The following TTLL7 variants were observed in gnomAD, a reference collection of about 807,000 sequenced individuals.
TTLL7 encodes the protein tubulin polyglutamylase TTLL7.
Under a neutral mutation model 120.2 loss-of-function variants are expected in TTLL7, and 53 were observed. The observed-to-expected ratio is 0.44, with a 90% CI of 0.35 to 0.55. The LOEUF (loss-of-function observed/expected upper bound fraction) is 0.55, where lower values mean the gene tolerates loss of function less well. Ranked by LOEUF, TTLL7 falls within the 20% of genes least tolerant of loss-of-function variation. The pLI is 0.00. For missense variants in TTLL7, 803 were observed against 1,054.7 expected, an observed-to-expected ratio of 0.76 and a Z score of 3.31; for synonymous variants, 353 against 351.7, an observed-to-expected ratio of 1.00 and a Z score of -0.04.
At chr1:83,896,881 A>G (rs138865389) in intron 18 of TTLL7, among the ~76,000 whole-genome samples, 4 of 152,204 alleles carry the variant, frequency 2.6e-5, no homozygotes, top group Admixed American at 6.6e-5. Flanking sequence ...CAACATGACT[A>G]TATTTTCATA....
intron 20 of TTLL7, among the ~76,000 whole-genome samples, chr1:83,876,644 C>T (rs7540150): frequency 0.025 from 3,860 of 151,752 alleles, 83 homozygotes; most frequent in African/African-American, 0.057. Context: ...ACATTTCTTG[C>T]GACATTTATT....
At chr1:83,938,260 A>C (rs546921526) in intron 7 of TTLL7, among the ~76,000 whole-genome samples, 1 of 152,316 alleles carries the variant, frequency 6.6e-6, no homozygotes, top group Non-Finnish European at 1.5e-5. Flanking sequence ...ATCTACCATT[A>C]AAAAGTATCA....
At chr1:83,997,806 A>T (rs144411053) in intron 1 of TTLL7, among the ~76,000 whole-genome samples, 3 of 152,290 alleles carry the variant, frequency 2.0e-5, no homozygotes, top group Non-Finnish European at 2.9e-5. Flanking sequence ...TACGTTTTTA[A>T]TCGACTTCTC....
chr1:83,906,506 T>C (rs1348518935), intron 16 of TTLL7, 43 bp from the exon 17 acceptor site: 1 of 1,609,448 alleles, frequency 6.2e-7, no homozygotes, highest in African/African-American at 1.3e-5. Flanking sequence ...GGGTCTTATT[T>C]CATTGTGCCA....
chr1:83,902,414 A>AC (rs1656800179), intron 18 of TTLL7, among the ~76,000 whole-genome samples: 1 of 151,422 alleles, frequency 6.6e-6, no homozygotes, highest in Admixed American at 6.6e-5. Flanking sequence ...ACTCCCCACC[A>AC]CCCCTCTAAA....
rs573538598 is a variant in TTLL7, at chr1:83,953,049, T to C, written c.-176-662A>G. On this transcript the variant is annotated intron_variant, in intron 1 of 20. Coordinates refer to ENST00000260505, the MANE Select transcript of TTLL7 (RefSeq NM_024686.6). ...ATAAAGTAAACCACATCTTGAATTG[T>C]GCCTTAAAAAATGAGAACAGTTTTG... Among the ~76,000 whole-genome samples, 25 of 152,256 alleles carry C rather than the reference T, an allele frequency of 1.6e-4. No individual in the cohort carries two copies. The East Asian group carries it at 2.3e-3, about 14-fold the overall frequency.
intron 1 of TTLL7, among the ~76,000 whole-genome samples, chr1:83,976,526 G>T (rs1651506308): frequency 6.6e-6 from 1 of 152,002 alleles, no homozygotes; most frequent in East Asian, 1.9e-4. Context: ...TTTGTGATAT[G>T]AAATATAAAT....
chr1:83,959,578 C>T (rs1474374725), intron 1 of TTLL7, among the ~76,000 whole-genome samples: 1 of 152,126 alleles, frequency 6.6e-6, no homozygotes, highest in African/African-American at 2.4e-5. Context: ...AGACAGTTTA[C>T]CCCCCTTGTT....
intron 19 of TTLL7, 70 bp from the exon 20 acceptor site, chr1:83,883,206 C>A: frequency 7.8e-7 from 1 of 1,289,578 alleles, no homozygotes. Context: ...ATATCACTTC[C>A]CTAGCAACAA....
In TTLL7 at chr1:83,949,998, CAGTTA is replaced by C. The variant is rs1465537751; in HGVS notation, c.158-17_158-13del. On this transcript the variant is annotated splice_polypyrimidine_tract_variant and intron_variant, in intron 3 of 20. Coordinates refer to ENST00000260505, the MANE Select transcript of TTLL7 (RefSeq NM_024686.6). ...TATTACTAAACGAACTGCAAGTAAA[CAGTTA>C]AGTTAAACCAAAATTAAAATACTTC... 9 of 1,598,728 alleles carry C rather than the reference CAGTTA, an allele frequency of 5.6e-6. No homozygotes were observed. The highest frequency in any genetic ancestry group is 7.7e-6 in the Non-Finnish European group (9 of 1,174,976).
chr1:83,872,398 A>G (rs1381155272), intron 20 of TTLL7, among the ~76,000 whole-genome samples: 2 of 152,218 alleles, frequency 1.3e-5, no homozygotes, highest in South Asian at 2.1e-4. Context: ...TATGTCAACA[A>G]TTGGTGGGGT....
chr1:83,905,128 T>A (rs969418666), intron 17 of TTLL7, among the ~76,000 whole-genome samples: 1 of 151,956 alleles, frequency 6.6e-6, no homozygotes, highest in East Asian at 1.9e-4. Context: ...TGGCTATATA[T>A]AGAAAATTTT....
At chr1:83,921,491 T>C in intron 10 of TTLL7, 97 bp from the exon 11 acceptor site, 1 of 1,314,472 alleles carries the variant, frequency 7.6e-7, no homozygotes, top group Non-Finnish European at 1.0e-6. Context: ...ATAGTGAAGC[T>C]CAGAATCAAT....
In TTLL7 at chr1:83,921,528, C is replaced by T. The variant is rs1571194545; in HGVS notation, c.1143-134G>A. 3 of 906,040 alleles carry T rather than the reference C, an allele frequency of 3.3e-6. No homozygotes were observed. The South Asian group carries it at 5.8e-5, about 18-fold the overall frequency. The allele number at this position is 906,040 out of a possible 1,614,324, so 56.1% of individuals were successfully genotyped here. ...TTTATTAAACTTATATATTCACTTACATTATATTCATCTAACCATACCTCA... is the reference window on the plus strand; with the variant it reads ...TTTATTAAACTTATATATTCACTTATATTATATTCATCTAACCATACCTCA... On this transcript the variant is annotated intron_variant, in intron 10 of 20. Transcript: ENST00000260505.
At chr1:83,888,059 T>C (rs1655110383) in intron 19 of TTLL7, among the ~76,000 whole-genome samples, 1 of 151,852 alleles carries the variant, frequency 6.6e-6, no homozygotes, top group Non-Finnish European at 1.5e-5. Context: ...AGCAAAATAG[T>C]TCAGGAAAGA....
intron 10 of TTLL7, among the ~76,000 whole-genome samples, chr1:83,922,810 T>C (rs1231025746): frequency 6.6e-6 from 1 of 150,690 alleles, no homozygotes; most frequent in Non-Finnish European, 1.5e-5. Flanking sequence ...GTATATACAG[T>C]GGCTTAGAAG....
intron 1 of TTLL7, among the ~76,000 whole-genome samples, chr1:83,967,501 G>T (rs1650579178): frequency 6.6e-6 from 1 of 152,070 alleles, no homozygotes. Context: ...GCAGAAGGAG[G>T]ACACAGTGTC....
intron 16 of TTLL7, among the ~76,000 whole-genome samples, chr1:83,907,169 T>TTC (rs1387633404): frequency 4.6e-5 from 7 of 152,060 alleles, no homozygotes; most frequent in Non-Finnish European, 7.4e-5. Flanking sequence ...AACCATACAT[T>TTC]TCCTCAGGTA....
In TTLL7 at chr1:83,911,372, G is replaced by C. The variant is rs779098528; in HGVS notation, c.1588-9C>G. 2 of 1,588,454 alleles carry C rather than the reference G, an allele frequency of 1.3e-6. No homozygotes were observed. The highest frequency in any genetic ancestry group is 2.7e-5 in the African/African-American group (2 of 73,464). Reference sequence around the variant, plus strand: ...GGCATAGAACACAGAGGCTAAAAAAGATGGAAATGTGTTATTTTGTTAGAA... The same window carrying C: ...GGCATAGAACACAGAGGCTAAAAAACATGGAAATGTGTTATTTTGTTAGAA... On this transcript the variant is annotated splice_polypyrimidine_tract_variant and intron_variant, in intron 14 of 20. Coordinates refer to ENST00000260505, the MANE Select transcript of TTLL7 (RefSeq NM_024686.6).
Sources: gnomAD v4.1 joint callset for allele counts (sites outside exome capture counted in the v4.1 genomes callset) on GRCh38, gnomAD v4.1.1 for gene constraint, MANE v1.5 for transcripts, NCBI Gene and HGNC (gene_info 2026-07-23, HGNC 2026-07-21) for gene names.